Variants in ADAMTS9 observed in about 807,000 individuals in gnomAD.
ADAMTS9 encodes the protein ADAM metallopeptidase with thrombospondin type 1 motif 9.
ADAMTS9 carries 107 observed loss-of-function variants against 257.1 expected under a neutral mutation model. The observed-to-expected ratio is 0.42, with a 90% confidence interval of 0.36 to 0.49. The LOEUF is 0.49. Among genes scored for constraint, ADAMTS9 ranks in the 20% least tolerant of loss-of-function variants. The probability of loss-of-function intolerance (pLI) is 0.03; values close to 1 mark genes in which losing one functional copy is unlikely to be tolerated. For synonymous variants in ADAMTS9, 982 were observed against 880.9 expected (o/e 1.11, Z -2.03); for missense variants, 2,353 against 2,469.1 (o/e 0.95, Z 1.00).
rs772127290 is a variant in ADAMTS9, at chr3:64,633,456, A to G, written c.2175+16T>C. The G allele has an allele frequency of 1.2e-6, 2 of 1,613,414 alleles. No individual in the cohort carries two copies. Among genetic ancestry groups the G allele is most frequent in the African/African-American group, 1.3e-5 (1 of 74,920 alleles). The stretch of plus-strand genomic sequence containing the variant: ...AGCGGGAAAACACAGTGAAGAAAAC[A>G]CCATCAAGGACTTACCCGGCAAAGG... On this transcript the variant is annotated intron_variant, in intron 14 of 39. Transcript: ENST00000498707.
At chr3:64,518,903 A>G (rs536372954) in intron 39 of ADAMTS9, among the ~76,000 whole-genome samples, 3 of 149,600 alleles carry the variant, frequency 2.0e-5, no homozygotes, top group Non-Finnish European at 3.0e-5. Flanking sequence ...TCAGGCTCCC[A>G]AGTAGCTAGG....
At chr3:64,522,120 A>G (rs956130851) in intron 39 of ADAMTS9, 46 bp downstream of exon 39, 9 of 1,574,516 alleles carry the variant, frequency 5.7e-6, no homozygotes, top group Non-Finnish European at 7.0e-6. Context: ...GCTACAGAAA[A>G]AAATAAAAGA....
At chr3:64,517,416 G>GTTTTTCTTTTTTTTTTT (rs2082789346) in intron 39 of ADAMTS9, among the ~76,000 whole-genome samples, 1 of 52,638 alleles carries the variant, frequency 1.9e-5, no homozygotes, top group Non-Finnish European at 3.8e-5. Context: ...ATTAAAAATG[G>GTTTTTCTTTTTTTTTTT]TTTTTTTTTT....
intron 4 of ADAMTS9, among the ~76,000 whole-genome samples, chr3:64,656,929 G>C (rs542095005): frequency 1.4e-5 from 2 of 139,440 alleles, no homozygotes; most frequent in Non-Finnish European, 3.1e-5. Flanking sequence ...TTAAAAATAA[G>C]TTTCAGTTCA....
intron 29 of ADAMTS9, 89 bp from the exon 30 acceptor site, chr3:64,561,840 G>A (rs948868718): frequency 4.8e-5 from 55 of 1,141,038 alleles, no homozygotes; most frequent in Non-Finnish European, 6.7e-5. Context: ...GGAGGGGAAT[G>A]CACTCCTAAT....
chr3:64,574,211 A>G (rs1414255226), intron 28 of ADAMTS9, among the ~76,000 whole-genome samples: 1 of 152,236 alleles, frequency 6.6e-6, no homozygotes, highest in African/African-American at 2.4e-5. Context: ...CAGTTTGAGC[A>G]GAACTCCTGA....
intron 12 of ADAMTS9, among the ~76,000 whole-genome samples, chr3:64,634,277 T>G (rs1251388632): frequency 6.6e-6 from 1 of 152,134 alleles, no homozygotes; most frequent in Admixed American, 6.5e-5. Flanking sequence ...AGGTGAAAGG[T>G]ACCCAAGAGT....
In ADAMTS9 at chr3:64,617,629, G is replaced by GA. The variant is rs149997548; in HGVS notation, c.2814-1460dup. ...AGTGTTGTTACTAAGTAGAAACTGA[G>GA]AAAAAAAAAGTGTAAGCCTGTGTGT... On this transcript the variant is annotated intron_variant, in intron 19 of 39. Transcript: ENST00000498707. Among the ~76,000 whole-genome samples the GA allele has an allele frequency of 3.5e-3, 531 of 151,350 alleles. 13 individuals carry two copies. The East Asian group carries it at 0.045, about 13-fold the overall frequency.
chr3:64,617,268 C>T (rs747436517), intron 19 of ADAMTS9, among the ~76,000 whole-genome samples: 4 of 152,144 alleles, frequency 2.6e-5, no homozygotes, highest in Non-Finnish European at 5.9e-5. Flanking sequence ...TTCTCTTTGC[C>T]TTCGTCACCA....
At position 64,547,820 on chromosome 3, in the gene ADAMTS9, T is replaced by C. The variant is rs192379293; in HGVS notation, c.4870-868A>G. Among the ~76,000 whole-genome samples, 1,063 of 152,230 alleles carry C rather than the reference T, an allele frequency of 7.0e-3. 8 individuals are homozygous for C. Among genetic ancestry groups the C allele is most frequent in the African/African-American group, 0.025 (1,037 of 41,530 alleles). ...TACAGAAATGCAGAAGAAATACACATCGTTATAGTGTCCCAACTTTCAACC... is the reference window on the plus strand; with the variant it reads ...TACAGAAATGCAGAAGAAATACACACCGTTATAGTGTCCCAACTTTCAACC... On this transcript the variant is annotated intron_variant, in intron 31 of 39. Coordinates refer to ENST00000498707, the MANE Select transcript of ADAMTS9 (RefSeq NM_182920.2).
chr3:64,526,130 T>G (rs1292211709), intron 38 of ADAMTS9, among the ~76,000 whole-genome samples: 5 of 147,552 alleles, frequency 3.4e-5, no homozygotes, highest in African/African-American at 1.2e-4. Flanking sequence ...TTACTATAGA[T>G]AGTTAACAAT....
intron 11 of ADAMTS9, among the ~76,000 whole-genome samples, chr3:64,644,236 G>A (rs1457613300): frequency 2.0e-5 from 3 of 152,124 alleles, no homozygotes; most frequent in Non-Finnish European, 4.4e-5. Context: ...TACGAAGTAG[G>A]TACTATTATT....
intron 4 of ADAMTS9, 41 bp from the exon 5 acceptor site, chr3:64,655,916 CGT>C: frequency 7.5e-7 from 1 of 1,328,994 alleles, no homozygotes; most frequent in Non-Finnish European, 1.0e-6. Context: ...TTGTGAACTC[CGT>C]GTAAGCAATA....
intron 22 of ADAMTS9, among the ~76,000 whole-genome samples, chr3:64,608,258 C>CAAAAAAAAAAAAAAAAAAAAAAAAAAAA (rs57247914): frequency 7.5e-5 from 4 of 53,312 alleles, no homozygotes; most frequent in African/African-American, 2.0e-4. Flanking sequence ...AAACTAAAAC[C>CAAAAAAAAAAAAAAAAAAAAAAAAAAAA]AAAAAAAAAA....
intron 19 of ADAMTS9, among the ~76,000 whole-genome samples, chr3:64,617,072 C>G (rs752769379): frequency 7.9e-5 from 12 of 152,090 alleles, no homozygotes; most frequent in Non-Finnish European, 1.8e-4. Flanking sequence ...AGAGTGACAC[C>G]ATATTTGGGG....
At chr3:64,579,948 C>G (rs2083952082) in intron 28 of ADAMTS9, among the ~76,000 whole-genome samples, 1 of 152,160 alleles carries the variant, frequency 6.6e-6, no homozygotes, top group African/African-American at 2.4e-5. Flanking sequence ...GAGGCAGAAG[C>G]TAGGAACTCA....
In ADAMTS9 at chr3:64,515,968, G is replaced by A. The variant is rs2082770640; in HGVS notation, c.*1159C>T. ...AAGTGAATTAATGAGCAATCGGAAA[G>A]ACTCAAAGCATTTTGTACTCCACAG... On this transcript the variant is annotated 3_prime_UTR_variant, in exon 40 of 40. Transcript: ENST00000498707. 6.6e-6 allele frequency: 1 copy of A among 152,190 alleles called. No individual in the cohort carries two copies. Among genetic ancestry groups the A allele is most frequent in the South Asian group, 2.1e-4 (1 of 4,830 alleles). The allele number at this position is 152,190 out of a possible 1,614,324, so 9.4% of individuals were successfully genotyped here.
chr3:64,600,575 T>C (rs1335111917), intron 26 of ADAMTS9, among the ~76,000 whole-genome samples: 1 of 152,244 alleles, frequency 6.6e-6, no homozygotes, highest in South Asian at 2.1e-4. Flanking sequence ...AGACTACACA[T>C]GTGTGAGTTT....
rs551295497 is a variant in ADAMTS9, at chr3:64,600,824, C to A, written c.4017+1120G>T. On this transcript the variant is annotated intron_variant, in intron 26 of 39. Transcript: ENST00000498707. ...GCTAATTAGTATTCATCAGAAAGTACGTCTAATTTACTGAAACATAACCGC... is the reference window on the plus strand; with the variant it reads ...GCTAATTAGTATTCATCAGAAAGTAAGTCTAATTTACTGAAACATAACCGC... Among the ~76,000 whole-genome samples, 17 of 152,284 alleles carry A rather than the reference C, an allele frequency of 1.1e-4. No individual in the cohort carries two copies. In the South Asian group the frequency reaches 3.1e-3, roughly 28 times the overall value.
Sources: gnomAD v4.1 joint callset for allele counts (sites outside exome capture counted in the v4.1 genomes callset) on GRCh38, gnomAD v4.1.1 for gene constraint, MANE v1.5 for transcripts, NCBI Gene and HGNC (gene_info 2026-07-23, HGNC 2026-07-21) for gene names.